Variants in CENPP observed in about 807,000 individuals in gnomAD.
CENPP encodes the protein centromere protein P.
CENPP carries 24 observed loss-of-function variants against 35.6 expected under a neutral mutation model. The ratio of observed to expected loss-of-function variants is 0.67; its 90% CI spans 0.49 to 0.95. CENPP has a LOEUF of 0.95. Ranked by LOEUF, CENPP falls within the 40% of genes least tolerant of loss-of-function variation. The probability of loss-of-function intolerance (pLI) is 0.00; values close to 1 mark genes in which losing one functional copy is unlikely to be tolerated. For synonymous variants in CENPP, 120 were observed against 125.5 expected (o/e 0.96, Z 0.29); for missense variants, 332 against 345.3 (o/e 0.96, Z 0.31).
At chr9:92,420,231 C>T (rs577080660) in intron 5 of CENPP, among the ~76,000 whole-genome samples, 4 of 152,286 alleles carry the variant, frequency 2.6e-5, no homozygotes, top group Middle Eastern at 6.8e-3. Context: ...CTCCAATTTC[C>T]GTGGAACCTC....
intron 5 of CENPP, among the ~76,000 whole-genome samples, chr9:92,395,177 C>A (rs141514472): frequency 0.018 from 2,783 of 152,250 alleles, 36 homozygotes; most frequent in Non-Finnish European, 0.026. Context: ...AAAGTTTTCT[C>A]CTGCCCTTTG....
chr9:92,439,139 C>T (rs986811167), intron 5 of CENPP, among the ~76,000 whole-genome samples: 2 of 151,974 alleles, frequency 1.3e-5, no homozygotes, highest in Non-Finnish European at 2.9e-5. Flanking sequence ...TTTTTGTTTT[C>T]CCAAGTATTT....
At chr9:92,547,380 A>G (rs535849627) in intron 5 of CENPP, among the ~76,000 whole-genome samples, 9 of 152,230 alleles carry the variant, frequency 5.9e-5, no homozygotes, top group African/African-American at 2.2e-4. Flanking sequence ...TATTCATAAC[A>G]GCTAAAATTT....
chr9:92,560,641 A>C (rs956530230), intron 5 of CENPP, among the ~76,000 whole-genome samples: 1 of 152,098 alleles, frequency 6.6e-6, no homozygotes, highest in Non-Finnish European at 1.5e-5. Flanking sequence ...TAATCTTCCT[A>C]CATCCTGTTT....
intron 1 of CENPP, among the ~76,000 whole-genome samples, chr9:92,326,987 G>T (rs1840554212): frequency 6.6e-6 from 1 of 152,228 alleles, no homozygotes; most frequent in Admixed American, 6.5e-5. Context: ...GCTGTGACTG[G>T]TTAAAGGGAG....
At chr9:92,531,402 A>G (rs1848741258) in intron 5 of CENPP, among the ~76,000 whole-genome samples, 1 of 152,178 alleles carries the variant, frequency 6.6e-6, no homozygotes, top group Non-Finnish European at 1.5e-5. Context: ...CTATCCCAGT[A>G]TATATTCTGT....
intron 5 of CENPP, among the ~76,000 whole-genome samples, chr9:92,609,100 C>T (rs963061982): frequency 1.5e-4 from 23 of 152,242 alleles, no homozygotes; most frequent in African/African-American, 5.5e-4. Flanking sequence ...AAAAATCAAC[C>T]AACACTTTCC....
intron 5 of CENPP, among the ~76,000 whole-genome samples, chr9:92,473,514 C>A (rs1845603184): frequency 1.3e-5 from 2 of 152,186 alleles, no homozygotes; most frequent in Admixed American, 6.5e-5. Flanking sequence ...CCCTAACTAA[C>A]CTCTTCTCAC....
chr9:92,543,716 T>A (rs1849367579), intron 5 of CENPP, among the ~76,000 whole-genome samples: 1 of 152,180 alleles, frequency 6.6e-6, no homozygotes, highest in Non-Finnish European at 1.5e-5. Context: ...ATGTCTTAAG[T>A]TTCTTTCATC....
chr9:92,549,460 A>G (rs910530513), intron 5 of CENPP, among the ~76,000 whole-genome samples: 2 of 152,130 alleles, frequency 1.3e-5, no homozygotes, highest in African/African-American at 4.8e-5. Context: ...CAGCCTGGCC[A>G]ATGTGGTGAA....
intron 5 of CENPP, among the ~76,000 whole-genome samples, chr9:92,417,930 G>A: frequency 6.6e-6 from 1 of 151,914 alleles, no homozygotes. Flanking sequence ...GTTTCGTTGT[G>A]TTGCCCAAGC....
chr9:92,414,802 A>C (rs77873345), intron 5 of CENPP: 202 of 237,564 alleles, frequency 8.5e-4, no homozygotes, highest in African/African-American at 4.2e-3. Context: ...CTTTACTGCT[A>C]ATGCTACTTC....
intron 5 of CENPP, among the ~76,000 whole-genome samples, chr9:92,578,375 A>C (rs1850336613): frequency 6.6e-6 from 1 of 152,192 alleles, no homozygotes; most frequent in Non-Finnish European, 1.5e-5. Context: ...GAATTGCCAC[A>C]CTGACTTCCA....
intron 5 of CENPP, among the ~76,000 whole-genome samples, chr9:92,381,932 G>A (rs1842257946): frequency 6.7e-6 from 1 of 148,570 alleles, no homozygotes; most frequent in Non-Finnish European, 1.5e-5. Context: ...CCAACCTAAT[G>A]GGTAGGAAGT....
At chr9:92,531,145 T>C (rs1254970454) in intron 5 of CENPP, among the ~76,000 whole-genome samples, 1 of 152,162 alleles carries the variant, frequency 6.6e-6, no homozygotes, top group Non-Finnish European at 1.5e-5. Flanking sequence ...AATGTTTGAA[T>C]TGAAATATAC....
chr9:92,494,767 A>C (rs1846273082), intron 5 of CENPP, among the ~76,000 whole-genome samples: 1 of 152,076 alleles, frequency 6.6e-6, no homozygotes, highest in Non-Finnish European at 1.5e-5. Context: ...ATTAGCGGGG[A>C]GTGGTGACGC....
At chr9:92,443,506 C>T (rs181853988) in intron 5 of CENPP, among the ~76,000 whole-genome samples, 1 of 152,052 alleles carries the variant, frequency 6.6e-6, no homozygotes, top group Admixed American at 6.6e-5. Flanking sequence ...CCAAAATGAT[C>T]CGAGATTCAC....
At chr9:92,408,108 C>T (rs192100759) in intron 5 of CENPP, among the ~76,000 whole-genome samples, 2 of 152,240 alleles carry the variant, frequency 1.3e-5, no homozygotes, top group East Asian at 3.9e-4. Flanking sequence ...AAGAGTCTTT[C>T]CCCCATCTTC....
At chr9:92,371,255 A>C (rs964547077) in intron 4 of CENPP, among the ~76,000 whole-genome samples, 1 of 152,082 alleles carries the variant, frequency 6.6e-6, no homozygotes. Context: ...TATTGCTATA[A>C]ATTTCCCTCC....
Sources: gnomAD v4.1 joint callset for allele counts (sites outside exome capture counted in the v4.1 genomes callset) on GRCh38, gnomAD v4.1.1 for gene constraint, MANE v1.5 for transcripts, NCBI Gene and HGNC (gene_info 2026-07-23, HGNC 2026-07-21) for gene names.